Variants in EPHA3 observed in about 807,000 individuals in gnomAD.
EPHA3 encodes the protein ephrin type-A receptor 3.
Under a neutral mutation model 107.1 loss-of-function variants are expected in EPHA3, and 42 were observed. That is an observed-to-expected ratio of 0.39 (90% CI 0.31 to 0.51). EPHA3 has a LOEUF of 0.51. Ranked by LOEUF, EPHA3 falls within the 20% of genes least tolerant of loss-of-function variation. The pLI is 0.78. For missense variants in EPHA3, 1,183 were observed against 1,211.2 expected (o/e 0.98, Z 0.35); for synonymous variants, 461 against 424.8 (o/e 1.09, Z -1.05).
intron 16 of EPHA3, among the ~76,000 whole-genome samples, chr3:89,478,194 T>C (rs568242975): frequency 6.6e-6 from 1 of 152,344 alleles, no homozygotes; most frequent in African/African-American, 2.4e-5. Context: ...TTTTAATGCC[T>C]ACTTTCTGAC....
At chr3:89,301,168 C>G (rs1706478762) in intron 3 of EPHA3, among the ~76,000 whole-genome samples, 1 of 151,932 alleles carries the variant, frequency 6.6e-6, no homozygotes, top group Admixed American at 6.6e-5. Flanking sequence ...TTTTAAGCAC[C>G]AAGGAAGTAT....
chr3:89,188,657 AC>A (rs1257551779), intron 2 of EPHA3, among the ~76,000 whole-genome samples: 2 of 152,190 alleles, frequency 1.3e-5, no homozygotes, highest in Admixed American at 6.5e-5. Context: ...AGGTGCTATT[AC>A]AAACTTCACT....
intron 16 of EPHA3, among the ~76,000 whole-genome samples, chr3:89,473,985 GT>G (rs1488980777): frequency 6.6e-6 from 1 of 151,878 alleles, no homozygotes; most frequent in Non-Finnish European, 1.5e-5. Flanking sequence ...AGTCCCCCAA[GT>G]TTAAGTATTA....
chr3:89,192,324 G>T (rs900694082), intron 2 of EPHA3, among the ~76,000 whole-genome samples: 3 of 152,098 alleles, frequency 2.0e-5, no homozygotes, highest in African/African-American at 7.2e-5. Context: ...TGCTGATATT[G>T]AAAATGATGT....
At chr3:89,253,746 G>A (rs1705215632) in intron 3 of EPHA3, among the ~76,000 whole-genome samples, 1 of 151,854 alleles carries the variant, frequency 6.6e-6, no homozygotes, top group Non-Finnish European at 1.5e-5. Flanking sequence ...TAATAACAAA[G>A]CTCAAAATTA....
chr3:89,125,726 G>A (rs761508615), intron 1 of EPHA3, among the ~76,000 whole-genome samples: 6 of 151,492 alleles, frequency 4.0e-5, no homozygotes, highest in African/African-American at 1.2e-4. Flanking sequence ...CTAGCAAAAC[G>A]TAAAGAATCT....
chr3:89,228,243 T>C (rs1393926529), intron 3 of EPHA3, among the ~76,000 whole-genome samples: 2 of 151,890 alleles, frequency 1.3e-5, no homozygotes, highest in African/African-American at 4.8e-5. Context: ...TGTGTATAAT[T>C]GGCAATGTGT....
chr3:89,114,931 G>A (rs991866887), intron 1 of EPHA3, among the ~76,000 whole-genome samples: 4 of 152,204 alleles, frequency 2.6e-5, no homozygotes, highest in Non-Finnish European at 4.4e-5. Context: ...TTTAATTCAG[G>A]ATCTACGATC....
chr3:89,210,444 A>G lies in EPHA3; in HGVS notation c.738A>G (p.Thr246=), dbSNP rs1486737877. The G allele has an allele frequency of 1.2e-6, 2 of 1,611,400 alleles. No homozygotes were observed. Among genetic ancestry groups the G allele is most frequent in the South Asian group, 2.2e-5 (2 of 90,648 alleles). ...EEDPPRMYCS[T]EGEWLVPIGK... is the part of the protein sequence containing the mutation. ...ATCCTCCAAGGATGTACTGCAGTACAGAAGGCGAATGGCTTGTACCCATTG... is the reference window on the plus strand; with the variant it reads ...ATCCTCCAAGGATGTACTGCAGTACGGAAGGCGAATGGCTTGTACCCATTG... Residue 246 remains threonine (T), a synonymous_variant, in exon 3 of 17, where the codon ACA becomes ACG. Transcript: ENST00000336596.
At chr3:89,275,271 C>A (rs1355762867) in intron 3 of EPHA3, among the ~76,000 whole-genome samples, 1 of 152,034 alleles carries the variant, frequency 6.6e-6, no homozygotes, top group Non-Finnish European at 1.5e-5. Flanking sequence ...CTTCAGAAAT[C>A]ACTGACAGCT....
At chr3:89,428,163 A>C (rs1050091457) in intron 11 of EPHA3, among the ~76,000 whole-genome samples, 1 of 151,882 alleles carries the variant, frequency 6.6e-6, no homozygotes, top group African/African-American at 2.4e-5. Flanking sequence ...TTTGTGTCTG[A>C]TGCTTTTTCA....
chr3:89,120,887 T>C (rs1218477768), intron 1 of EPHA3, among the ~76,000 whole-genome samples: 1 of 152,184 alleles, frequency 6.6e-6, no homozygotes, highest in African/African-American at 2.4e-5. Flanking sequence ...AATAGGCTGT[T>C]AAAATACCAC....
chr3:89,295,744 C>A (rs1435965659), intron 3 of EPHA3, among the ~76,000 whole-genome samples: 1 of 152,066 alleles, frequency 6.6e-6, no homozygotes, highest in Non-Finnish European at 1.5e-5. Context: ...GCATGCACCA[C>A]CACACCCGGC....
At chr3:89,361,112 T>C (rs1357587661) in intron 5 of EPHA3, among the ~76,000 whole-genome samples, 1 of 151,012 alleles carries the variant, frequency 6.6e-6, no homozygotes, top group South Asian at 2.1e-4. Context: ...GAATTTTACC[T>C]AGAGTGCACA....
chr3:89,130,354 T>A (rs1704180268), intron 2 of EPHA3, among the ~76,000 whole-genome samples: 1 of 152,206 alleles, frequency 6.6e-6, no homozygotes, highest in South Asian at 2.1e-4. Context: ...TCCAATCATA[T>A]TCTCATCAGA....
chr3:89,330,261 C>T (rs1330542435), intron 3 of EPHA3, among the ~76,000 whole-genome samples: 2 of 151,902 alleles, frequency 1.3e-5, no homozygotes, highest in African/African-American at 4.8e-5. Flanking sequence ...TAAAATTACA[C>T]TAACTCTTAC....
rs1033345100 is a variant in EPHA3 at position 89,476,453 on chromosome 3, A to T, written c.2847-2944A>T. On this transcript the variant is annotated intron_variant, in intron 16 of 16. Transcript: ENST00000336596. Reference sequence around the variant, plus strand: ...AGGGCCAAACATCATAGCAAGCAGCACTCAGTAACTATGCTTAAATTTCTC... The same window carrying T: ...AGGGCCAAACATCATAGCAAGCAGCTCTCAGTAACTATGCTTAAATTTCTC... Among the ~76,000 whole-genome samples, 3 of 148,364 alleles carry T rather than the reference A, an allele frequency of 2.0e-5. No homozygotes were observed. The Admixed American group carries it at 2.0e-4, about 10-fold the overall frequency.
chr3:89,472,380 C>T (rs984258660), intron 15 of EPHA3, 84 bp from the exon 16 acceptor site: 43 of 1,402,504 alleles, frequency 3.1e-5, no homozygotes, highest in Non-Finnish European at 4.0e-5. Context: ...CTGGAAGTTC[C>T]TGCCGATGTT....
At chr3:89,314,794 G>A (rs1275809549) in intron 3 of EPHA3, among the ~76,000 whole-genome samples, 1 of 151,906 alleles carries the variant, frequency 6.6e-6, no homozygotes, top group Admixed American at 6.6e-5. Context: ...TTCCCTGATG[G>A]AAATTATTTG....
Sources: gnomAD v4.1 joint callset for allele counts (sites outside exome capture counted in the v4.1 genomes callset) on GRCh38, gnomAD v4.1.1 for gene constraint, MANE v1.5 for transcripts, NCBI Gene and HGNC (gene_info 2026-07-23, HGNC 2026-07-21) for gene names.